The following PDGFRL variants were observed in gnomAD, a reference collection of about 807,000 sequenced individuals.
PDGFRL encodes the protein platelet derived growth factor receptor like, also known as platelet-derived growth factor receptor-like protein.
Under a neutral mutation model 37.2 loss-of-function variants are expected in PDGFRL, and 46 were observed. The observed-to-expected ratio is 1.24, with a 90% CI of 0.98 to 1.58. The LOEUF is 1.58. Ranked by LOEUF, PDGFRL falls within the 40% of genes most tolerant of loss-of-function variation. The pLI is 0.00. For synonymous variants in PDGFRL, 251 were observed against 184.3 expected, an observed-to-expected ratio of 1.36 and a Z score of -2.93; for missense variants, 692 against 467.6, an observed-to-expected ratio of 1.48 and a Z score of -4.43.
chr8:17,604,707 C>T (rs1344594753), intron 2 of PDGFRL, among the ~76,000 whole-genome samples: 1 of 151,922 alleles, frequency 6.6e-6, no homozygotes, highest in East Asian at 1.9e-4. Flanking sequence ...GCACGTCATG[C>T]ACATGTACTC....
At chr8:17,586,037 C>A (rs1026356237) in intron 1 of PDGFRL, among the ~76,000 whole-genome samples, 1 of 151,906 alleles carries the variant, frequency 6.6e-6, no homozygotes, top group African/African-American at 2.4e-5. Context: ...CTGCAACCTC[C>A]GTGTCCCAGG....
intron 1 of PDGFRL, among the ~76,000 whole-genome samples, chr8:17,586,944 A>G (rs1007656125): frequency 6.6e-6 from 1 of 152,216 alleles, no homozygotes; most frequent in Non-Finnish European, 1.5e-5. Flanking sequence ...AATAGTCTCA[A>G]AAATTCAATG....
Position 17,621,088 on chromosome 8 carries a change from G to C in PDGFRL, c.391G>C (p.Val131Leu). ...TGAGCGCTACGGCCAGTTGACTCTG[G>C]TCAACTCCACCTCGGCAGACACAGG... ...QNERYGQLTL[V>L]NSTSADTGEF... Residue 131 changes from valine (V) to leucine (L), a missense_variant, in exon 3 of 6, where the codon GTC becomes CTC. Val to Leu is a conservative substitution (Grantham distance 32). Transcript: ENST00000251630. The C allele has an allele frequency of 6.2e-7, 1 of 1,611,218 alleles. No individual in the cohort carries two copies. The highest frequency in any genetic ancestry group is 8.5e-7 in the Non-Finnish European group (1 of 1,178,150).
At chr8:17,635,521 CATTG>C (rs1237463087) in intron 5 of PDGFRL, among the ~76,000 whole-genome samples, 1 of 152,156 alleles carries the variant, frequency 6.6e-6, no homozygotes, top group African/African-American at 2.4e-5. Flanking sequence ...TTTATCCACT[CATTG>C]ATTGATGGGC....
In PDGFRL at chr8:17,577,252, G is replaced by C. The variant is rs1295597311; in HGVS notation, c.-1G>C. 41 of 1,612,374 alleles carry C rather than the reference G, an allele frequency of 2.5e-5. No homozygotes were observed. Among genetic ancestry groups the C allele is most frequent in the Non-Finnish European group, 3.5e-5 (41 of 1,179,460 alleles). On this transcript the variant is annotated 5_prime_UTR_variant, in exon 1 of 6. Transcript: ENST00000251630. ...GCGCTCCGAGGTCCGAGGTTCCCGAGATGAAGGTCTGGCTGCTGCTTGGTC... is the reference window on the plus strand; with the variant it reads ...GCGCTCCGAGGTCCGAGGTTCCCGACATGAAGGTCTGGCTGCTGCTTGGTC...
chr8:17,584,282 A>C (rs1803769417), intron 1 of PDGFRL, among the ~76,000 whole-genome samples: 1 of 152,198 alleles, frequency 6.6e-6, no homozygotes, highest in African/African-American at 2.4e-5. Flanking sequence ...TTCAGAGGTC[A>C]GACATGCTAA....
chr8:17,635,311 C>A (rs1235182481), intron 5 of PDGFRL, among the ~76,000 whole-genome samples: 1 of 151,946 alleles, frequency 6.6e-6, no homozygotes, highest in African/African-American at 2.4e-5. Context: ...CCCCTGAATC[C>A]CCAAAGTTCA....
intron 1 of PDGFRL, among the ~76,000 whole-genome samples, chr8:17,582,978 C>T (rs118103829): frequency 0.013 from 1,933 of 152,166 alleles, 20 homozygotes; most frequent in Non-Finnish European, 0.02. Flanking sequence ...TTAAAAGGTC[C>T]CAGGTGTGGT....
At chr8:17,608,119 T>TAGGAA (rs1804323414) in intron 2 of PDGFRL, among the ~76,000 whole-genome samples, 1 of 152,218 alleles carries the variant, frequency 6.6e-6, no homozygotes, top group Non-Finnish European at 1.5e-5. Flanking sequence ...CTGCCTCGCT[T>TAGGAA]GGTGCCTTCC....
chr8:17,580,072 A>C (rs1160149260), intron 1 of PDGFRL, among the ~76,000 whole-genome samples: 2 of 152,176 alleles, frequency 1.3e-5, no homozygotes, highest in Admixed American at 1.3e-4. Context: ...CAAACACTGA[A>C]GTGTTAATAT....
chr8:17,642,058 T>C (rs939023325), intron 5 of PDGFRL, among the ~76,000 whole-genome samples: 3 of 152,174 alleles, frequency 2.0e-5, no homozygotes, highest in African/African-American at 7.2e-5. Context: ...GGTCCTGTCA[T>C]GTAGTACATT....
At chr8:17,638,776 T>TATATATATATATATATATATAA (rs1563532521) in intron 5 of PDGFRL, among the ~76,000 whole-genome samples, 7 of 106,024 alleles carry the variant, frequency 6.6e-5, no homozygotes, top group East Asian at 5.6e-4. Context: ...TATATATATA[T>TATATATATATATATATATATAA]ATATATATAT....
At position 17,642,727 on chromosome 8, in the gene PDGFRL, G is replaced by A; in HGVS notation, c.1054G>A (p.Ala352Thr). ...ITVEDFETID[A>T]GYYICTAQNL... ...AGTGGAAGACTTTGAGACGATTGAT[G>A]CAGGATATTACATTTGCACTGCTCA... The change falls in exon 6 of 6, where the codon GCA becomes ACA. Residue 352 changes from alanine (A) to threonine (T), a missense_variant. By Grantham distance (58) the Ala-to-Thr change is moderately conservative. Coordinates refer to ENST00000251630, the MANE Select transcript of PDGFRL (RefSeq NM_001372073.1). 6.2e-7 allele frequency: 1 copy of A among 1,607,572 alleles called. No individual in the cohort carries two copies. Among genetic ancestry groups the A allele is most frequent in the Non-Finnish European group, 8.5e-7 (1 of 1,173,958 alleles).
chr8:17,580,605 A>G (rs746435877), intron 1 of PDGFRL, among the ~76,000 whole-genome samples: 2 of 152,194 alleles, frequency 1.3e-5, no homozygotes, highest in African/African-American at 2.4e-5. Flanking sequence ...GAGAGGAAAG[A>G]TAAAGAAGTA....
intron 2 of PDGFRL, among the ~76,000 whole-genome samples, chr8:17,592,427 T>A (rs1328513370): frequency 6.6e-6 from 1 of 152,130 alleles, no homozygotes; most frequent in Non-Finnish European, 1.5e-5. Context: ...CACTTAAAAG[T>A]CAGAGTTCAG....
intron 2 of PDGFRL, among the ~76,000 whole-genome samples, chr8:17,619,056 G>A (rs184452215): frequency 1.7e-4 from 26 of 152,282 alleles, no homozygotes; most frequent in Non-Finnish European, 1.8e-4. Context: ...ACAGGGCTGC[G>A]TTCAGGACCA....
At chr8:17,611,412 T>C (rs989060643) in intron 2 of PDGFRL, among the ~76,000 whole-genome samples, 1 of 152,172 alleles carries the variant, frequency 6.6e-6, no homozygotes, top group African/African-American at 2.4e-5. Flanking sequence ...AGAGGCAGGA[T>C]TTGAACCAAG....
intron 3 of PDGFRL, among the ~76,000 whole-genome samples, chr8:17,626,655 C>T (rs767870729): frequency 2.0e-5 from 3 of 152,152 alleles, no homozygotes; most frequent in African/African-American, 7.2e-5. Context: ...GTATCACTAG[C>T]TCTGAAGATT....
chr8:17,604,265 G>C (rs1475674992), intron 2 of PDGFRL, among the ~76,000 whole-genome samples: 2 of 152,118 alleles, frequency 1.3e-5, no homozygotes, highest in Non-Finnish European at 2.9e-5. Context: ...AAATCATGCT[G>C]CTATAAAGAC....
Sources: gnomAD v4.1 joint callset for allele counts (sites outside exome capture counted in the v4.1 genomes callset) on GRCh38, gnomAD v4.1.1 for gene constraint, MANE v1.5 for transcripts, NCBI Gene and HGNC (gene_info 2026-07-23, HGNC 2026-07-21) for gene names.